NSUN6: variants seen among roughly 807,000 people sequenced by gnomAD.
NSUN6 encodes NOP2/Sun RNA methyltransferase 6.
Under a neutral mutation model 58.0 loss-of-function variants are expected in NSUN6, and 64 were observed. That is an observed-to-expected ratio of 1.10 (90% confidence interval 0.90 to 1.36). The LOEUF (loss-of-function observed/expected upper bound fraction) is 1.36, where lower values mean the gene tolerates loss of function less well. NSUN6 is among the 40% of genes most tolerant of loss of function. The pLI, the probability that NSUN6 is intolerant of heterozygous loss-of-function variation, is 0.00. For missense variants in NSUN6, 701 were observed against 550.1 expected (o/e 1.27, Z -2.74); for synonymous variants, 231 against 193.9 (o/e 1.19, Z -1.59).
intron 6 of NSUN6, among the ~76,000 whole-genome samples, chr10:18,598,495 C>T (rs543629347): frequency 1.3e-5 from 2 of 152,204 alleles, no homozygotes; most frequent in East Asian, 3.9e-4. Context: ...CCAGGCTGTC[C>T]GGGTCTCAGA....
At chr10:18,573,856 C>T (rs965736886) in intron 8 of NSUN6, among the ~76,000 whole-genome samples, 2 of 152,066 alleles carry the variant, frequency 1.3e-5, no homozygotes, top group South Asian at 2.1e-4. Flanking sequence ...AACAAGAACT[C>T]GGGAAATTTT....
rs547891067 is a variant in NSUN6, at chr10:18,562,186, A to AGAATG, written c.923-10220_923-10216dup. Among the ~76,000 whole-genome samples, 611 of 150,356 alleles carry AGAATG rather than the reference A, an allele frequency of 4.1e-3. 16 individuals are homozygous for AGAATG. The highest frequency in any genetic ancestry group is 0.014 in the African/African-American group (578 of 40,768). On this transcript the variant is annotated intron_variant, in intron 8 of 10. Coordinates refer to ENST00000377304, the MANE Select transcript of NSUN6 (RefSeq NM_182543.5). ...TAGAATGGAGAATGGAAGGGACTGG[A>AGAATG]GAATGGAATGGAATGGAGAATAGAA...
chr10:18,577,357 T>C (rs2056701095), intron 8 of NSUN6, among the ~76,000 whole-genome samples: 1 of 152,204 alleles, frequency 6.6e-6, no homozygotes, highest in African/African-American at 2.4e-5. Flanking sequence ...GACCCTTTTA[T>C]AGAATGGCTA....
At position 18,548,117 on chromosome 10, in the gene NSUN6, G is replaced by A. The variant is rs1259987830; in HGVS notation, c.1192C>T (p.Pro398Ser). The part of the protein sequence containing the change: ...LTKFPCLQLQ[P>S]QEPQIGGEGM... ...AAAAATGAAATTACTCCTACCTGGG[G>A]CTGAAGCTGAAGGCAAGGAAATTTT... The change falls in exon 10 of 11, where the codon CCC (proline) becomes TCC (serine). Residue 398 changes from proline (P) to serine (S), a missense_variant. Transcript: ENST00000377304. 1 of 1,613,534 alleles carries A rather than the reference G, an allele frequency of 6.2e-7. No individual in the cohort carries two copies.
At chr10:18,640,378 G>A (rs571042821) in intron 3 of NSUN6, among the ~76,000 whole-genome samples, 1 of 152,148 alleles carries the variant, frequency 6.6e-6, no homozygotes, top group East Asian at 1.9e-4. Flanking sequence ...CTTCTATAAA[G>A]AAAAACCTAA....
At chr10:18,578,251 G>C (rs1490533760) in intron 8 of NSUN6, among the ~76,000 whole-genome samples, 1 of 34,254 alleles carries the variant, frequency 2.9e-5, no homozygotes, top group Non-Finnish European at 6.0e-5. Flanking sequence ...TTTTTTTTTT[G>C]AGATGGAGTT....
chr10:18,578,189 G>C (rs2056747375), intron 8 of NSUN6, among the ~76,000 whole-genome samples: 1 of 151,342 alleles, frequency 6.6e-6, no homozygotes, highest in Non-Finnish European at 1.5e-5. Flanking sequence ...CAGGACCTTT[G>C]AGCTGAGAAG....
At chr10:18,553,403 A>AGAATGGAGAATGGAATG (rs1564704171) in intron 8 of NSUN6, among the ~76,000 whole-genome samples, 2 of 151,362 alleles carry the variant, frequency 1.3e-5, no homozygotes, top group Admixed American at 6.6e-5. Context: ...AATGGAATGC[A>AGAATGGAGAATGGAATG]GAACGGAGAA....
At chr10:18,590,347 T>C (rs2057332730) in intron 7 of NSUN6, among the ~76,000 whole-genome samples, 1 of 152,086 alleles carries the variant, frequency 6.6e-6, no homozygotes, top group Non-Finnish European at 1.5e-5. Context: ...AGTAGATCAA[T>C]GAGACAGAAA....
rs2054226004 is a variant in NSUN6 at position 18,545,935 on chromosome 10, A to G, written c.1408T>C (p.Ter470GlnextTer22). Residue 470 changes from the stop codon to glutamine (Q), a stop_lost, in exon 11 of 11, where the codon TAG becomes CAG. Coordinates refer to ENST00000377304, the MANE Select transcript of NSUN6 (RefSeq NM_182543.5). ...ATTTCTGAGCATCCATCCCTCTCCT[A>G]TGTGCTTTTGCATTTTACAAATTTT... ...IAKFVKCKST[*>Q] 3 of 1,519,750 alleles carry G rather than the reference A, an allele frequency of 2.0e-6. No individual in the cohort carries two copies. Among genetic ancestry groups the G allele is most frequent in the South Asian group, 1.2e-5 (1 of 84,808 alleles). 94.1% of individuals were successfully genotyped at this position (1,519,750 alleles called of 1,614,324 possible). A position where few individuals can be genotyped will look rare whatever the true frequency, so the allele number is the denominator to read the frequency against.
rs2054971839 is a variant in NSUN6, at chr10:18,555,894, AGAATGGAATGGAGAATGGAATGGAATG to A, written c.923-3950_923-3924del. ...TGGAGAATGAACTGGAATGGAGAAT[AGAATGGAATGGAGAATGGAATGGAATG>A]GAATGGAATGGAGAATGGAAGGGAA... On this transcript the variant is annotated intron_variant, in intron 8 of 10. Coordinates refer to ENST00000377304, the MANE Select transcript of NSUN6 (RefSeq NM_182543.5). 3.0e-5 allele frequency among the ~76,000 whole-genome samples: 4 copies of A among 132,452 alleles called. No individual in the cohort carries two copies. The East Asian group carries it at 1.2e-3, about 40-fold the overall frequency. The allele number at this position is 132,452 out of a possible 152,430, so 86.9% of individuals were successfully genotyped here. A position where few individuals can be genotyped will look rare whatever the true frequency, so the allele number is the denominator to read the frequency against.
chr10:18,570,476 C>T (rs902730475), intron 8 of NSUN6, among the ~76,000 whole-genome samples: 27 of 148,948 alleles, frequency 1.8e-4, no homozygotes, highest in African/African-American at 4.2e-4. Context: ...CAATCCATTT[C>T]GTTCCACTTT....
At chr10:18,625,386 A>G (rs2058756012) in intron 3 of NSUN6, among the ~76,000 whole-genome samples, 2 of 152,152 alleles carry the variant, frequency 1.3e-5, no homozygotes, top group South Asian at 4.1e-4. Context: ...AGACCTATAT[A>G]ACTGAAAAGC....
At chr10:18,592,035 T>C (rs764228563) in intron 7 of NSUN6, among the ~76,000 whole-genome samples, 10 of 152,032 alleles carry the variant, frequency 6.6e-5, no homozygotes, top group Non-Finnish European at 1.0e-4. Context: ...GGATAAAAAA[T>C]CAGTGTGCAA....
chr10:18,559,060 TATGGAGAATGGAATGGA>T (rs1253787959), intron 8 of NSUN6, among the ~76,000 whole-genome samples: 13 of 142,172 alleles, frequency 9.1e-5, no homozygotes, highest in East Asian at 2.2e-4. Context: ...TGGAGGATGG[TATGGAGAATGGAATGGA>T]ATGGAGAATG....
chr10:18,606,089 T>C (rs965700021), intron 6 of NSUN6, among the ~76,000 whole-genome samples: 11 of 152,164 alleles, frequency 7.2e-5, no homozygotes, highest in African/African-American at 2.7e-4. Flanking sequence ...TATTTTAAAA[T>C]TATTGGTCAT....
intron 3 of NSUN6, among the ~76,000 whole-genome samples, chr10:18,639,731 G>GT (rs1383448306): frequency 6.6e-6 from 1 of 152,178 alleles, no homozygotes; most frequent in Non-Finnish European, 1.5e-5. Flanking sequence ...CCATGTAAAA[G>GT]TAAGTATTGA....
At chr10:18,635,184 A>G (rs1011834179) in intron 3 of NSUN6, among the ~76,000 whole-genome samples, 10 of 152,200 alleles carry the variant, frequency 6.6e-5, no homozygotes, top group African/African-American at 2.2e-4. Context: ...ACATGTCACA[A>G]TTAGGTGCTG....
chr10:18,651,704 T>A, upstream of NSUN6: 1 of 985,720 alleles, frequency 1.0e-6, no homozygotes, highest in Non-Finnish European at 1.2e-6. Flanking sequence ...GCCGCAAGTT[T>A]CCCCAACACT....
Sources: gnomAD v4.1 joint callset for allele counts (sites outside exome capture counted in the v4.1 genomes callset) on GRCh38, gnomAD v4.1.1 for gene constraint, MANE v1.5 for transcripts, NCBI Gene and HGNC (gene_info 2026-07-23, HGNC 2026-07-21) for gene names.